Variants in SCARA5 observed in about 807,000 individuals in gnomAD.
SCARA5 encodes scavenger receptor class A, member 5 (putative).
Under a neutral mutation model 46.3 loss-of-function variants are expected in SCARA5, and 45 were observed. The observed-to-expected ratio is 0.97, with a 90% confidence interval of 0.76 to 1.24. The LOEUF is 1.24. Among genes scored for constraint, SCARA5 ranks in the 50% most tolerant of loss-of-function variants. The pLI is 0.00. For missense variants in SCARA5, 680 were observed against 689.0 expected, an observed-to-expected ratio of 0.99 and a Z score of 0.15; for synonymous variants, 333 against 306.5, an observed-to-expected ratio of 1.09 and a Z score of -0.90.
At chr8:27,926,464 G>A (rs1807682378) in intron 3 of SCARA5, among the ~76,000 whole-genome samples, 1 of 152,124 alleles carries the variant, frequency 6.6e-6, no homozygotes, top group South Asian at 2.1e-4. Context: ...GGGGACTGGG[G>A]GAGGGATAGC....
At chr8:27,921,535 G>T in intron 4 of SCARA5, 36 bp downstream of exon 4, 1 of 1,507,286 alleles carries the variant, frequency 6.6e-7, no homozygotes, top group South Asian at 1.3e-5. Flanking sequence ...CCATCAGAAG[G>T]GGCCGTGGGT....
At chr8:27,981,971 G>T (rs1808622653) in intron 2 of SCARA5, among the ~76,000 whole-genome samples, 1 of 152,190 alleles carries the variant, frequency 6.6e-6, no homozygotes, top group Admixed American at 6.5e-5. Flanking sequence ...CCTCAGCTGC[G>T]CCAAGTGAAC....
intron 7 of SCARA5, among the ~76,000 whole-genome samples, chr8:27,891,387 G>T (rs1437937637): frequency 6.6e-6 from 1 of 151,984 alleles, no homozygotes; most frequent in African/African-American, 2.4e-5. Flanking sequence ...TGTATTTTTA[G>T]TAGAGACAGG....
chr8:27,942,726 G>C lies in SCARA5; in HGVS notation c.242-20481C>G, dbSNP rs142301969. Among the ~76,000 whole-genome samples, 443 of 152,160 alleles carry C rather than the reference G, an allele frequency of 2.9e-3. 1 individual carries two copies. Among genetic ancestry groups the C allele is most frequent in the Non-Finnish European group, 4.6e-3 (316 of 68,000 alleles). ...TCTTGTGCTGCTTGAACATCCTGGA[G>C]TTGGGCTGCCTTGAGTGGGTTGGAG... On this transcript the variant is annotated intron_variant, in intron 3 of 8. Transcript: ENST00000354914.
rs916942360 is a variant in SCARA5, at chr8:27,961,237, G to A, written c.241+5177C>T. Among the ~76,000 whole-genome samples the A allele has an allele frequency of 2.0e-5, 3 of 152,308 alleles. No homozygotes were observed. In the East Asian group the frequency reaches 5.8e-4, roughly 29 times the overall value. ...CCTAGTGGGAGGTCTTTGGACCATG[G>A]GGGTGGATACCCTCATGAATGTCTT... On this transcript the variant is annotated intron_variant, in intron 3 of 8. Transcript: ENST00000354914.
At chr8:27,952,754 T>G (rs1334121136) in intron 3 of SCARA5, among the ~76,000 whole-genome samples, 2 of 152,224 alleles carry the variant, frequency 1.3e-5, no homozygotes, top group Non-Finnish European at 2.9e-5. Flanking sequence ...ATGGACTGTG[T>G]GCAAGCATTA....
At chr8:27,989,861 G>C (rs1188806231) in intron 1 of SCARA5, among the ~76,000 whole-genome samples, 1 of 152,222 alleles carries the variant, frequency 6.6e-6, no homozygotes, top group Non-Finnish European at 1.5e-5. Context: ...AGTTGCAAGG[G>C]ACCCTCCCTC....
rs564156848 is a variant in SCARA5 at position 27,944,562 on chromosome 8, T to A, written c.241+21852A>T. ...ACTTCTCTGTAGGTTTAACATTTTT[T>A]AAAAAATAAAAAATTAAGACCAGGC... On this transcript the variant is annotated intron_variant, in intron 3 of 8. Coordinates refer to ENST00000354914, the MANE Select transcript of SCARA5 (RefSeq NM_173833.6). Among the ~76,000 whole-genome samples, 49 of 152,194 alleles carry A rather than the reference T, an allele frequency of 3.2e-4. 1 individual carries two copies. The South Asian group carries it at 6.2e-3, about 19-fold the overall frequency.
intron 7 of SCARA5, among the ~76,000 whole-genome samples, chr8:27,899,410 C>T (rs536649807): frequency 2.0e-5 from 3 of 152,258 alleles, no homozygotes; most frequent in South Asian, 2.1e-4. Context: ...GAGTTGGGGT[C>T]GCATCTTCTC....
At chr8:27,977,738 C>T (rs866787431) in intron 2 of SCARA5, among the ~76,000 whole-genome samples, 8 of 152,218 alleles carry the variant, frequency 5.3e-5, no homozygotes, top group African/African-American at 1.9e-4. Context: ...CTATCACTGC[C>T]CTGGCTCTCC....
chr8:27,879,218 A>G (rs1223468168), intron 8 of SCARA5, among the ~76,000 whole-genome samples: 1 of 152,206 alleles, frequency 6.6e-6, no homozygotes, highest in Admixed American at 6.5e-5. Context: ...TAACAATAAA[A>G]ACATAATAGA....
chr8:27,930,424 C>T (rs751735843), intron 3 of SCARA5, among the ~76,000 whole-genome samples: 10 of 150,588 alleles, frequency 6.6e-5, no homozygotes, highest in East Asian at 1.9e-4. Flanking sequence ...TTTTTTGAGA[C>T]GGAGTTTCAT....
intron 3 of SCARA5, among the ~76,000 whole-genome samples, chr8:27,960,551 C>T (rs1226102868): frequency 6.6e-6 from 1 of 152,064 alleles, no homozygotes; most frequent in African/African-American, 2.4e-5. Flanking sequence ...TCACAACAGC[C>T]CCATGGGGTA....
rs569332633 is a variant in SCARA5 at position 27,959,745 on chromosome 8, G to A, written c.241+6669C>T. Reference sequence around the variant, plus strand: ...GAAAGTCAAGGAGGACAAGGAAGGGGTTTCTGTGACTCGCAGTTGTTTTTT... The same window carrying A: ...GAAAGTCAAGGAGGACAAGGAAGGGATTTCTGTGACTCGCAGTTGTTTTTT... On this transcript the variant is annotated intron_variant, in intron 3 of 8. Coordinates refer to ENST00000354914, the MANE Select transcript of SCARA5 (RefSeq NM_173833.6). Among the ~76,000 whole-genome samples, 7 of 152,312 alleles carry A rather than the reference G, an allele frequency of 4.6e-5. No homozygotes were observed. In the South Asian group the frequency reaches 1.5e-3, roughly 32 times the overall value.
intron 1 of SCARA5, among the ~76,000 whole-genome samples, chr8:27,991,011 C>T (rs1394053189): frequency 6.6e-6 from 1 of 152,260 alleles, no homozygotes; most frequent in African/African-American, 2.4e-5. Flanking sequence ...TGGAAAAGCC[C>T]TCAGCCATCT....
At chr8:27,935,300 C>G (rs1308493734) in intron 3 of SCARA5, among the ~76,000 whole-genome samples, 1 of 152,096 alleles carries the variant, frequency 6.6e-6, no homozygotes, top group African/African-American at 2.4e-5. Context: ...GGGCAGGAGA[C>G]CAGTGTCATT....
chr8:27,974,559 C>T (rs1283729677), intron 2 of SCARA5, among the ~76,000 whole-genome samples: 1 of 152,110 alleles, frequency 6.6e-6, no homozygotes, highest in Admixed American at 6.5e-5. Context: ...TCATAAACAG[C>T]AGGTAGAGAT....
At position 27,909,897 on chromosome 8, in the gene SCARA5, G is replaced by A. The variant is rs780734601; in HGVS notation, c.917-154C>T. ...GAAACCCCCAGCCCAGTCTCGGGGG[G>A]CATCAGGAAAGTCTTCCTGGAAGAA... On this transcript the variant is annotated intron_variant, in intron 4 of 8. Coordinates refer to ENST00000354914, the MANE Select transcript of SCARA5 (RefSeq NM_173833.6). 1.1e-4 allele frequency among the ~76,000 whole-genome samples: 17 copies of A among 152,028 alleles called. 1 individual carries two copies. Among genetic ancestry groups the A allele is most frequent in the South Asian group, 8.3e-4 (4 of 4,800 alleles).
intron 7 of SCARA5, among the ~76,000 whole-genome samples, chr8:27,900,292 G>C (rs1224696141): frequency 6.6e-6 from 1 of 152,216 alleles, no homozygotes; most frequent in African/African-American, 2.4e-5. Flanking sequence ...AGGGATGGGA[G>C]AAGGGAGTCC....
Sources: gnomAD v4.1 joint callset for allele counts (sites outside exome capture counted in the v4.1 genomes callset) on GRCh38, gnomAD v4.1.1 for gene constraint, MANE v1.5 for transcripts, NCBI Gene and HGNC (gene_info 2026-07-23, HGNC 2026-07-21) for gene names.